Variants in C10orf90 observed in about 807,000 individuals in gnomAD.
C10orf90 encodes chromosome 10 open reading frame 90, also known as (E2-independent) E3 ubiquitin-conjugating enzyme FATS.
Under a neutral mutation model 62.5 loss-of-function variants are expected in C10orf90, and 56 were observed. That is an observed-to-expected ratio of 0.90 (90% confidence interval 0.72 to 1.12). The LOEUF (loss-of-function observed/expected upper bound fraction) is 1.12. Ranked by LOEUF, C10orf90 falls within the 50% of genes most tolerant of loss-of-function variation. C10orf90 has a pLI of 0.00. For missense variants in C10orf90, 970 were observed against 880.4 expected (o/e 1.10, Z -1.29); for synonymous variants, 386 against 340.4 (o/e 1.13, Z -1.47).
chr10:126,464,262 G>T (rs1276416006), intron 5 of C10orf90, among the ~76,000 whole-genome samples: 1 of 152,174 alleles, frequency 6.6e-6, no homozygotes, highest in Non-Finnish European at 1.5e-5. Flanking sequence ...AGTGTCTCAT[G>T]CTTGTTAAGC....
intron 2 of C10orf90, among the ~76,000 whole-genome samples, chr10:126,526,499 C>T (rs1863951332): frequency 6.6e-6 from 1 of 152,146 alleles, no homozygotes; most frequent in Admixed American, 6.5e-5. Flanking sequence ...CCGCCTCGGC[C>T]TCCCAAAGTG....
At chr10:126,578,277 C>T (rs369255924) in intron 2 of C10orf90, among the ~76,000 whole-genome samples, 32 of 151,476 alleles carry the variant, frequency 2.1e-4, no homozygotes, top group Non-Finnish European at 3.5e-4. Context: ...AAAGAACTCT[C>T]GCGAATTAGT....
In C10orf90 at chr10:126,512,382, GTGTCTGTGTGTGTGTGTGTGTC is replaced by G. The variant is rs781361707; in HGVS notation, c.405+1444_405+1465del. 4.3e-3 allele frequency among the ~76,000 whole-genome samples: 301 copies of G among 69,538 alleles called. 5 individuals carry two copies. The highest frequency in any genetic ancestry group is 0.012 in the African/African-American group (198 of 16,418). The allele number at this position is 69,538 out of a possible 152,430, so 45.6% of individuals were successfully genotyped here. Reference sequence around the variant, plus strand: ...TGTGTGTATGTGTGTCTGTGTGTGTGTGTCTGTGTGTGTGTGTGTGTCTGTGTGTCTGTGTGTGTGTGTGTGT... The same window carrying G: ...TGTGTGTATGTGTGTCTGTGTGTGTGTGTGTGTCTGTGTGTGTGTGTGTGT... On this transcript the variant is annotated intron_variant, in intron 3 of 9. Transcript: ENST00000488181.
chr10:126,477,016 TCTC>T (rs1860913063), intron 4 of C10orf90, among the ~76,000 whole-genome samples: 1 of 145,872 alleles, frequency 6.9e-6, no homozygotes, highest in Non-Finnish European at 1.5e-5. Flanking sequence ...TTCACGCCAT[TCTC>T]CTGCCTCAGC....
intron 4 of C10orf90, among the ~76,000 whole-genome samples, chr10:126,486,093 C>T (rs572142836): frequency 4.6e-4 from 70 of 152,294 alleles, no homozygotes; most frequent in African/African-American, 1.3e-3. Context: ...TGCTGATTTT[C>T]GGTCCCTTAT....
At chr10:126,494,486 C>T (rs1861932138) in intron 4 of C10orf90, among the ~76,000 whole-genome samples, 1 of 152,062 alleles carries the variant, frequency 6.6e-6, no homozygotes, top group African/African-American at 2.4e-5. Context: ...AGAGGATGCA[C>T]GACTCTGGAA....
At chr10:126,510,348 T>C (rs1302125438) in intron 3 of C10orf90, among the ~76,000 whole-genome samples, 1 of 152,228 alleles carries the variant, frequency 6.6e-6, no homozygotes, top group Non-Finnish European at 1.5e-5. Context: ...CCGACTACTT[T>C]TAAAACTGGG....
At chr10:126,636,731 G>A (rs1053264802) in intron 2 of C10orf90, among the ~76,000 whole-genome samples, 27 of 152,106 alleles carry the variant, frequency 1.8e-4, no homozygotes, top group African/African-American at 6.5e-4. Context: ...TTGTTTATAT[G>A]CTTTTTTCTT....
intron 1 of C10orf90, among the ~76,000 whole-genome samples, chr10:126,650,475 T>C (rs1846269400): frequency 6.6e-6 from 1 of 152,144 alleles, no homozygotes; most frequent in Admixed American, 6.5e-5. Flanking sequence ...GGCGTGATCA[T>C]TATTATTTCC....
At chr10:126,572,411 A>C (rs1236428401) in intron 2 of C10orf90, among the ~76,000 whole-genome samples, 1 of 152,196 alleles carries the variant, frequency 6.6e-6, no homozygotes, top group Non-Finnish European at 1.5e-5. Flanking sequence ...TGGCTACTCC[A>C]TAGACAGAGC....
At chr10:126,665,314 A>G (rs1846604243) in intron 1 of C10orf90, among the ~76,000 whole-genome samples, 1 of 152,152 alleles carries the variant, frequency 6.6e-6, no homozygotes, top group African/African-American at 2.4e-5. Context: ...CTTGGTCTGG[A>G]AATAGGGAAA....
intron 2 of C10orf90, among the ~76,000 whole-genome samples, chr10:126,631,233 T>C (rs1336924985): frequency 6.6e-6 from 1 of 152,172 alleles, no homozygotes. Context: ...TCGCCACTGT[T>C]ACCTCAGCCC....
At chr10:126,662,792 T>C (rs992864152) in intron 1 of C10orf90, among the ~76,000 whole-genome samples, 13 of 150,160 alleles carry the variant, frequency 8.7e-5, no homozygotes, top group African/African-American at 2.9e-4. Flanking sequence ...GATGGGTGCC[T>C]CCGTGCATTC....
At chr10:126,570,943 C>A (rs986485053) in intron 2 of C10orf90, among the ~76,000 whole-genome samples, 2 of 152,146 alleles carry the variant, frequency 1.3e-5, no homozygotes, top group Non-Finnish European at 2.9e-5. Flanking sequence ...CTCAATGCTC[C>A]CTGCTGCAGC....
chr10:126,631,931 CAG>C (rs1348907783), intron 2 of C10orf90, among the ~76,000 whole-genome samples: 1 of 152,034 alleles, frequency 6.6e-6, no homozygotes, highest in African/African-American at 2.4e-5. Flanking sequence ...GACACTGACA[CAG>C]GGGACCAGAC....
At chr10:126,469,857 G>A (rs1457699678) in intron 4 of C10orf90, 8 of 456,618 alleles carry the variant, frequency 1.8e-5, no homozygotes, top group South Asian at 3.1e-5. Context: ...CTGCATGGGC[G>A]CCTGCAGGTG....
intron 2 of C10orf90, among the ~76,000 whole-genome samples, chr10:126,608,936 C>T (rs561116231): frequency 9.9e-5 from 15 of 152,276 alleles, no homozygotes; most frequent in African/African-American, 2.9e-4. Flanking sequence ...AAAAACTCTT[C>T]GGGGCCTCCA....
At chr10:126,460,069 T>C (rs935479203) in intron 6 of C10orf90, among the ~76,000 whole-genome samples, 9 of 152,236 alleles carry the variant, frequency 5.9e-5, no homozygotes, top group Non-Finnish European at 1.5e-5. Flanking sequence ...TTTCCTGCAC[T>C]GCCTTTTATG....
At position 126,641,441 on chromosome 10, in the gene C10orf90, G is replaced by A. The variant is rs1045330838; in HGVS notation, c.313+5124C>T. ...AAGGTTGTAAAGGTCAGGTTAAATCGATCAGAAGGGAGAAAATTCCACGCC... is the reference window on the plus strand; with the variant it reads ...AAGGTTGTAAAGGTCAGGTTAAATCAATCAGAAGGGAGAAAATTCCACGCC... On this transcript the variant is annotated intron_variant, in intron 2 of 9. Coordinates refer to ENST00000488181, the MANE Select transcript of C10orf90 (RefSeq NM_001350921.2). Among the ~76,000 whole-genome samples, 4 of 152,118 alleles carry A rather than the reference G, an allele frequency of 2.6e-5. No individual in the cohort carries two copies. The East Asian group carries it at 5.8e-4, about 22-fold the overall frequency.
Sources: gnomAD v4.1 joint callset for allele counts (sites outside exome capture counted in the v4.1 genomes callset) on GRCh38, gnomAD v4.1.1 for gene constraint, MANE v1.5 for transcripts, NCBI Gene and HGNC (gene_info 2026-07-23, HGNC 2026-07-21) for gene names.